FSTL4: variants seen among roughly 807,000 people sequenced by gnomAD.
FSTL4 encodes follistatin-related protein 4.
Under a neutral mutation model 78.2 loss-of-function variants are expected in FSTL4, and 28 were observed. The ratio of observed to expected loss-of-function variants is 0.36; its 90% CI spans 0.27 to 0.49. The LOEUF (loss-of-function observed/expected upper bound fraction) is 0.49, where lower values mean the gene tolerates loss of function less well. Among genes scored for constraint, FSTL4 ranks in the 20% least tolerant of loss-of-function variants. The pLI is 0.98. For missense variants in FSTL4, 922 were observed against 1,084.9 expected, an observed-to-expected ratio of 0.85 and a Z score of 2.11; for synonymous variants, 422 against 440.5, an observed-to-expected ratio of 0.96 and a Z score of 0.53.
intron 3 of FSTL4, among the ~76,000 whole-genome samples, chr5:133,479,030 A>G (rs1190308052): frequency 6.6e-6 from 1 of 152,244 alleles, no homozygotes; most frequent in Non-Finnish European, 1.5e-5. Flanking sequence ...AGAAATGTCT[A>G]CTGCCGGGGA....
the FSTL4 span, among the ~76,000 whole-genome samples, chr5:133,823,740 T>C: frequency 6.6e-6 from 1 of 152,088 alleles, no homozygotes; most frequent in Non-Finnish European, 1.5e-5. Context: ...ATGAGGAGGC[T>C]GATTGGGTGG....
the FSTL4 span, among the ~76,000 whole-genome samples, chr5:133,770,520 T>C: frequency 1.0e-3 from 159 of 152,322 alleles, no homozygotes; most frequent in African/African-American, 3.6e-3. Flanking sequence ...GCTGCTTGTA[T>C]GTCTTCTTTC....
intron 3 of FSTL4, among the ~76,000 whole-genome samples, chr5:133,517,412 G>A (rs1467178199): frequency 1.8e-5 from 1 of 55,552 alleles, no homozygotes. Flanking sequence ...GACAGAGTGA[G>A]ACTCCATCTC....
At chr5:133,217,419 C>A in intron 12 of FSTL4, 41 bp from the exon 13 acceptor site, 1 of 1,592,204 alleles carries the variant, frequency 6.3e-7, no homozygotes. Context: ...CTTAATTGCC[C>A]TTTCCCTCCA....
intron 3 of FSTL4, among the ~76,000 whole-genome samples, chr5:133,444,033 G>T (rs1266383252): frequency 6.6e-6 from 1 of 152,144 alleles, no homozygotes; most frequent in Non-Finnish European, 1.5e-5. Context: ...GGGCACTTGT[G>T]CTGGGCTGCA....
the FSTL4 span, among the ~76,000 whole-genome samples, chr5:133,693,106 T>G: frequency 6.6e-6 from 1 of 152,174 alleles, no homozygotes; most frequent in Admixed American, 6.5e-5. Flanking sequence ...CTGAGGAAGT[T>G]CTCTCACTCC....
chr5:133,692,360 G>A, the FSTL4 span, among the ~76,000 whole-genome samples: 10 of 152,282 alleles, frequency 6.6e-5, no homozygotes, highest in South Asian at 1.5e-3. Flanking sequence ...ATTTGGTTAC[G>A]GGGAACCACT....
chr5:133,471,790 T>C lies in FSTL4; in HGVS notation c.161-70804A>G, dbSNP rs561258758. On this transcript the variant is annotated intron_variant, in intron 3 of 15. Coordinates refer to ENST00000265342, the MANE Select transcript of FSTL4 (RefSeq NM_015082.2). ...AGTCTAGCATTGGACTTTTTACCAA[T>C]GACACTGCTTGCTTAAAGATGATGC... is the stretch of plus-strand genomic sequence containing the variant. 4.6e-5 allele frequency among the ~76,000 whole-genome samples: 7 copies of C among 152,328 alleles called. No individual in the cohort carries two copies. In the South Asian group the frequency reaches 1.2e-3, roughly 27 times the overall value.
intron 6 of FSTL4, among the ~76,000 whole-genome samples, chr5:133,253,415 G>T (rs60868650): frequency 0.06 from 9,101 of 152,282 alleles, 322 homozygotes; most frequent in Middle Eastern, 0.11. Context: ...TGGATACAAT[G>T]AGGGCTTGGG....
chr5:133,521,484 C>G (rs892430299), intron 3 of FSTL4, among the ~76,000 whole-genome samples: 3 of 152,122 alleles, frequency 2.0e-5, no homozygotes, highest in African/African-American at 7.2e-5. Flanking sequence ...AAGGCAGGAG[C>G]TTTGTACTGC....
the FSTL4 span, among the ~76,000 whole-genome samples, chr5:133,658,428 A>G: frequency 6.6e-6 from 1 of 152,146 alleles, no homozygotes; most frequent in Non-Finnish European, 1.5e-5. Context: ...AAAAATGTGA[A>G]TGATTTCATT....
At chr5:133,271,680 T>G (rs1581583902) in intron 6 of FSTL4, among the ~76,000 whole-genome samples, 1 of 152,246 alleles carries the variant, frequency 6.6e-6, no homozygotes, top group Non-Finnish European at 1.5e-5. Context: ...TTCACTGTTT[T>G]TCATGTTCCT....
chr5:133,453,266 TTCATCATCACCA>T (rs912807122), intron 3 of FSTL4, among the ~76,000 whole-genome samples: 11 of 152,298 alleles, frequency 7.2e-5, no homozygotes, highest in African/African-American at 2.2e-4. Context: ...TCTGTAGTTC[TTCATCATCACCA>T]TCATCATCAT....
upstream of FSTL4, among the ~76,000 whole-genome samples, chr5:133,616,000 C>G (rs1039470228): frequency 1.3e-5 from 2 of 152,134 alleles, no homozygotes; most frequent in Admixed American, 6.5e-5. Context: ...AAATTCCCAG[C>G]AAACTCACAG....
chr5:133,304,229 T>C (rs1189658384), intron 6 of FSTL4, among the ~76,000 whole-genome samples: 1 of 152,236 alleles, frequency 6.6e-6, no homozygotes, highest in African/African-American at 2.4e-5. Context: ...ATTTAAATTG[T>C]TCTCATTTTA....
chr5:133,788,889 C>T, the FSTL4 span, among the ~76,000 whole-genome samples: 1 of 152,248 alleles, frequency 6.6e-6, no homozygotes, highest in South Asian at 2.1e-4. Flanking sequence ...GCAGACAACT[C>T]GTTTTTATTG....
intron 3 of FSTL4, among the ~76,000 whole-genome samples, chr5:133,524,888 C>T (rs910237720): frequency 2.6e-5 from 4 of 152,196 alleles, no homozygotes; most frequent in African/African-American, 7.2e-5. Context: ...TGAATTTGGC[C>T]TCACTGTACT....
chr5:133,499,638 G>T (rs187262492), intron 3 of FSTL4, among the ~76,000 whole-genome samples: 1 of 152,228 alleles, frequency 6.6e-6, no homozygotes, highest in East Asian at 1.9e-4. Flanking sequence ...ACTCTTACAT[G>T]ATTTTCAATT....
chr5:133,324,834 G>T (rs946259752), intron 4 of FSTL4, among the ~76,000 whole-genome samples: 1 of 152,252 alleles, frequency 6.6e-6, no homozygotes, highest in African/African-American at 2.4e-5. Flanking sequence ...GGGGGCTAGT[G>T]CCTGTGTCAC....
Sources: allele counts gnomAD v4.1 joint callset (sites outside exome capture counted in the v4.1 genomes callset), GRCh38; gene constraint gnomAD v4.1.1; transcripts MANE v1.5; gene names NCBI Gene and HGNC (gene_info 2026-07-23, HGNC 2026-07-21).